MBNL2: variants seen among roughly 807,000 people sequenced by gnomAD.
MBNL2 encodes the protein muscleblind-like protein 2.
A neutral mutation model predicts 41.9 loss-of-function variants in MBNL2; 17 were observed. The ratio of observed to expected loss-of-function variants is 0.41; its 90% confidence interval spans 0.28 to 0.61. The LOEUF is 0.61. Ranked by LOEUF, MBNL2 falls within the 20% of genes least tolerant of loss-of-function variation. MBNL2 has a pLI of 0.35. For synonymous variants in MBNL2, 195 were observed against 182.9 expected (o/e 1.07, Z -0.53); for missense variants, 336 against 505.6 (o/e 0.66, Z 3.22).
At position 97,310,620 on chromosome 13, in the gene MBNL2, AG is replaced by A. The variant is rs1566408540; in HGVS notation, c.175-23653del. ...AATTTTTTGTATTTTTAGTAGAGACAGGGTTTCAGCGTGTTAGCCAGGATGG... is the reference window on the plus strand; with the variant it reads ...AATTTTTTGTATTTTTAGTAGAGACAGGTTTCAGCGTGTTAGCCAGGATGG... On this transcript the variant is annotated intron_variant, in intron 2 of 8. Transcript: ENST00000679496. Among the ~76,000 whole-genome samples, 7 of 151,858 alleles carry A rather than the reference AG, an allele frequency of 4.6e-5. No individual in the cohort carries two copies. The South Asian group carries it at 1.0e-3, about 23-fold the overall frequency.
chr13:97,157,346 A>T, the MBNL2 span, among the ~76,000 whole-genome samples: 5 of 149,364 alleles, frequency 3.3e-5, no homozygotes, highest in Non-Finnish European at 5.9e-5. Flanking sequence ...GCAAACAGGG[A>T]CAAATTGACT....
chr13:97,256,659 CTGTTT>C (rs1456996596), intron 1 of MBNL2, among the ~76,000 whole-genome samples: 1 of 152,100 alleles, frequency 6.6e-6, no homozygotes, highest in African/African-American at 2.4e-5. Context: ...TACGAGTGTT[CTGTTT>C]TAAGTCCTCC....
intron 3 of MBNL2, among the ~76,000 whole-genome samples, chr13:97,338,802 A>G (rs2061118426): frequency 6.6e-6 from 1 of 152,112 alleles, no homozygotes; most frequent in Non-Finnish European, 1.5e-5. Context: ...GGCTTAGGAG[A>G]CGCCGTGTGT....
Position 97,266,259 on chromosome 13 carries a change from A to T in MBNL2, c.-604-9373A>T, listed in dbSNP as rs189275388. On this transcript the variant is annotated intron_variant, in intron 1 of 8. Transcript: ENST00000679496. ...TTCATCTCACGAAAAATAAATAAAT[A>T]AATTAATTAATTAATTAAAACAAAA... is the stretch of plus-strand genomic sequence containing the variant. Among the ~76,000 whole-genome samples the T allele has an allele frequency of 8.3e-3, 1,254 of 151,814 alleles. 6 individuals are homozygous for T. Among genetic ancestry groups the T allele is most frequent in the Middle Eastern group, 0.024 (7 of 294 alleles).
the MBNL2 span, among the ~76,000 whole-genome samples, chr13:97,201,543 T>C: frequency 1.3e-5 from 2 of 152,340 alleles, no homozygotes; most frequent in African/African-American, 4.8e-5. Flanking sequence ...TTATTATTCC[T>C]TTTGGACACC....
At chr13:97,209,722 G>A in the MBNL2 span, among the ~76,000 whole-genome samples, 2 of 152,126 alleles carry the variant, frequency 1.3e-5, no homozygotes, top group Non-Finnish European at 2.9e-5. Flanking sequence ...TTTTCTAGAA[G>A]TTTGATGAAC....
intron 1 of MBNL2, among the ~76,000 whole-genome samples, chr13:97,250,467 C>T (rs913293206): frequency 3.9e-5 from 6 of 152,158 alleles, no homozygotes; most frequent in Non-Finnish European, 8.8e-5. Context: ...AGTTCTTTAA[C>T]AGGCATTGAG....
chr13:97,198,793 A>G, the MBNL2 span, among the ~76,000 whole-genome samples: 1 of 152,058 alleles, frequency 6.6e-6, no homozygotes, highest in Non-Finnish European at 1.5e-5. Flanking sequence ...TCCTCAAAAT[A>G]TATGCAGACC....
the MBNL2 span, among the ~76,000 whole-genome samples, chr13:97,192,422 GA>G: frequency 6.6e-6 from 1 of 152,218 alleles, no homozygotes; most frequent in African/African-American, 2.4e-5. Flanking sequence ...GCAGAAGTGA[GA>G]GTGAAGAATT....
the MBNL2 span, among the ~76,000 whole-genome samples, chr13:97,189,648 G>C: frequency 6.6e-6 from 1 of 152,042 alleles, no homozygotes; most frequent in Non-Finnish European, 1.5e-5. Flanking sequence ...GTGTCCATTT[G>C]CATACATATA....
At chr13:97,390,154 T>A (rs1300687253) in intron 8 of MBNL2, among the ~76,000 whole-genome samples, 1 of 152,194 alleles carries the variant, frequency 6.6e-6, no homozygotes, top group Non-Finnish European at 1.5e-5. Flanking sequence ...TGTAAATTAG[T>A]TCTTTCTCTA....
the MBNL2 span, chr13:97,179,390 A>G: frequency 1.3e-5 from 2 of 152,162 alleles, no homozygotes; most frequent in South Asian, 2.1e-4. Context: ...ACCTCCTCCA[A>G]AAGTTCTACT....
At chr13:97,331,198 A>G (rs2060407561) in intron 2 of MBNL2, among the ~76,000 whole-genome samples, 1 of 152,210 alleles carries the variant, frequency 6.6e-6, no homozygotes, top group Admixed American at 6.5e-5. Context: ...AGTGCTTACT[A>G]TGTGCTAGGC....
At chr13:97,181,094 T>TC in the MBNL2 span, among the ~76,000 whole-genome samples, 21 of 151,138 alleles carry the variant, frequency 1.4e-4, no homozygotes, top group Middle Eastern at 3.4e-3. Context: ...TCTCTCTCTC[T>TC]CCCCCCCACC....
At chr13:97,161,506 C>T in the MBNL2 span, among the ~76,000 whole-genome samples, 2 of 152,106 alleles carry the variant, frequency 1.3e-5, no homozygotes, top group African/African-American at 4.8e-5. Context: ...TACTGCACTG[C>T]CCTTAGTGCA....
At chr13:97,352,308 C>A (rs1275563732) in intron 5 of MBNL2, among the ~76,000 whole-genome samples, 2 of 152,208 alleles carry the variant, frequency 1.3e-5, no homozygotes, top group Non-Finnish European at 2.9e-5. Context: ...GCCTTCCTCA[C>A]TAAGCTTAAT....
Position 97,282,277 on chromosome 13 carries a change from C to A in MBNL2, c.174+5868C>A, listed in dbSNP as rs116568344. ...GGCTGAGGCAGGAGGATTGATTTGG[C>A]CCAGGAGGTTGAGGTTGTAGTGAGC... is the stretch of plus-strand genomic sequence containing the variant. On this transcript the variant is annotated intron_variant, in intron 2 of 8. Transcript: ENST00000679496. Among the ~76,000 whole-genome samples the A allele has an allele frequency of 2.2e-3, 340 of 152,120 alleles. 1 individual carries two copies. Among genetic ancestry groups the A allele is most frequent in the African/African-American group, 7.4e-3 (306 of 41,486 alleles).
At chr13:97,195,922 G>A in the MBNL2 span, among the ~76,000 whole-genome samples, 2 of 152,152 alleles carry the variant, frequency 1.3e-5, no homozygotes, top group African/African-American at 4.8e-5. Flanking sequence ...TCAGTAAAAG[G>A]TAACTGAAGA....
intron 1 of MBNL2, among the ~76,000 whole-genome samples, chr13:97,225,547 T>C (rs1435197678): frequency 6.6e-6 from 1 of 151,984 alleles, no homozygotes; most frequent in East Asian, 1.9e-4. Context: ...CAGAGCTGGC[T>C]GGGTTGTGCC....
Sources: gnomAD v4.1 joint callset for allele counts (sites outside exome capture counted in the v4.1 genomes callset) on GRCh38, gnomAD v4.1.1 for gene constraint, MANE v1.5 for transcripts, NCBI Gene and HGNC (gene_info 2026-07-23, HGNC 2026-07-21) for gene names.